Variants in CAB39 observed in about 807,000 individuals in gnomAD.
The protein encoded by CAB39 is calcium-binding protein 39.
CAB39 carries 8 observed loss-of-function variants against 40.0 expected under a neutral mutation model. The observed-to-expected ratio is 0.20, with a 90% CI of 0.12 to 0.36. The LOEUF is 0.36. Ranked by LOEUF, CAB39 falls within the 10% of genes least tolerant of loss-of-function variation. The pLI is 1.00. For synonymous variants in CAB39, 156 were observed against 141.6 expected (o/e 1.10, Z -0.72); for missense variants, 270 against 401.1 (o/e 0.67, Z 2.79).
At chr2:230,766,718 C>T (rs907898059) in intron 2 of CAB39, among the ~76,000 whole-genome samples, 1 of 152,096 alleles carries the variant, frequency 6.6e-6, no homozygotes, top group African/African-American at 2.4e-5. Flanking sequence ...TTGTAGAGAC[C>T]GAGTCTCACA....
intron 1 of CAB39, among the ~76,000 whole-genome samples, chr2:230,749,694 G>C (rs898750124): frequency 6.6e-6 from 1 of 152,138 alleles, no homozygotes; most frequent in Non-Finnish European, 1.5e-5. Context: ...TGAATGTTCA[G>C]TTCTATTTGC....
chr2:230,735,024 CTTGT>C (rs1286342682), intron 1 of CAB39, among the ~76,000 whole-genome samples: 1 of 152,144 alleles, frequency 6.6e-6, no homozygotes, highest in Non-Finnish European at 1.5e-5. Flanking sequence ...ATCTCATCGG[CTTGT>C]TTTTCATTTA....
At chr2:230,782,980 T>TTTTTTGTTTTTG (rs112776434) in intron 2 of CAB39, among the ~76,000 whole-genome samples, 17,539 of 147,840 alleles carry the variant, frequency 0.12, 1,173 homozygotes, top group Middle Eastern at 0.16. Context: ...GCCTGGCTAA[T>TTTTTTGTTTTTG]TTTTTGTTTT....
intron 1 of CAB39, among the ~76,000 whole-genome samples, chr2:230,722,809 A>G (rs569105988): frequency 6.6e-6 from 1 of 152,360 alleles, no homozygotes; most frequent in South Asian, 2.1e-4. Context: ...CTCCAAGTAA[A>G]GCTAGACTCT....
intron 1 of CAB39, among the ~76,000 whole-genome samples, chr2:230,723,311 T>G (rs376200579): frequency 2.6e-5 from 4 of 152,024 alleles, no homozygotes; most frequent in African/African-American, 7.2e-5. Flanking sequence ...TGATTTCCCA[T>G]TATCTTTTTT....
At chr2:230,771,619 T>G (rs1319664719) in intron 2 of CAB39, among the ~76,000 whole-genome samples, 1 of 152,202 alleles carries the variant, frequency 6.6e-6, no homozygotes. Context: ...TGTTCTAAAA[T>G]TTGAATGGAA....
At chr2:230,804,261 A>C (rs1696149034) in intron 5 of CAB39, among the ~76,000 whole-genome samples, 1 of 152,262 alleles carries the variant, frequency 6.6e-6, no homozygotes, top group African/African-American at 2.4e-5. Context: ...AAGATGGATT[A>C]AAGACTTAAA....
At chr2:230,798,630 T>C in intron 4 of CAB39, 99 bp from the exon 5 acceptor site, 1 of 988,346 alleles carries the variant, frequency 1.0e-6, no homozygotes, top group Admixed American at 2.7e-5. Context: ...GATACATGTC[T>C]GAAAACTGTC....
chr2:230,801,274 A>G (rs1478805150), intron 5 of CAB39, among the ~76,000 whole-genome samples: 1 of 151,908 alleles, frequency 6.6e-6, no homozygotes, highest in Non-Finnish European at 1.5e-5. Context: ...TCACCTTCCT[A>G]CTCCTCCCTG....
At chr2:230,793,453 A>G (rs988673705) in intron 4 of CAB39, 122 bp downstream of exon 4, 8 of 465,478 alleles carry the variant, frequency 1.7e-5, no homozygotes, top group Non-Finnish European at 2.7e-5. Context: ...ATTTTTCCAT[A>G]GATTTTGAAC....
chr2:230,728,694 C>T (rs1423757958), intron 1 of CAB39, among the ~76,000 whole-genome samples: 5 of 152,180 alleles, frequency 3.3e-5, no homozygotes, highest in Admixed American at 2.6e-4. Context: ...ACTGTAGCCC[C>T]GAACCCCTAG....
intron 1 of CAB39, among the ~76,000 whole-genome samples, chr2:230,755,506 T>A (rs921660116): frequency 6.6e-6 from 1 of 152,192 alleles, no homozygotes; most frequent in Non-Finnish European, 1.5e-5. Flanking sequence ...TTTTTCTTAC[T>A]GATTTGTTTG....
intron 2 of CAB39, among the ~76,000 whole-genome samples, chr2:230,782,960 T>C (rs2031113967): frequency 6.8e-6 from 1 of 147,156 alleles, no homozygotes; most frequent in Non-Finnish European, 1.5e-5. Flanking sequence ...CTACAGGCGC[T>C]GACCACCACG....
At chr2:230,726,805 CT>C (rs1694580658) in intron 1 of CAB39, among the ~76,000 whole-genome samples, 1 of 151,684 alleles carries the variant, frequency 6.6e-6, no homozygotes, top group Non-Finnish European at 1.5e-5. Context: ...GAGGGCAACC[CT>C]TCCCTACAGA....
chr2:230,714,311 A>C (rs1218157223), intron 1 of CAB39, among the ~76,000 whole-genome samples: 2 of 152,272 alleles, frequency 1.3e-5, no homozygotes, highest in East Asian at 1.9e-4. Flanking sequence ...AGAGAGGAGG[A>C]GGCCCAGTCA....
chr2:230,781,148 G>A (rs1309902607), intron 2 of CAB39, among the ~76,000 whole-genome samples: 1 of 152,152 alleles, frequency 6.6e-6, no homozygotes, highest in Non-Finnish European at 1.5e-5. Context: ...GATTCTGAGT[G>A]TGTTGACAAG....
At chr2:230,813,978 C>CTTTTTTGTTTTTTTTT in intron 6 of CAB39, 71 bp from the exon 7 acceptor site, 1 of 110,458 alleles carries the variant, frequency 9.1e-6, no homozygotes, top group African/African-American at 1.3e-4. Context: ...ACCTACCAGT[C>CTTTTTTGTTTTTTTTT]TTTTTTTTTT....
At chr2:230,731,389 T>G (rs868228878) in intron 1 of CAB39, among the ~76,000 whole-genome samples, 19 of 152,322 alleles carry the variant, frequency 1.2e-4, no homozygotes, top group Admixed American at 6.5e-4. Context: ...AAAATAAAAT[T>G]CCTTTTTCAT....
At chr2:230,818,434 C>A in intron 8 of CAB39, 82 bp from the exon 9 acceptor site, 3 of 1,156,936 alleles carry the variant, frequency 2.6e-6, no homozygotes, top group African/African-American at 1.5e-5. Flanking sequence ...CACAGCTCTG[C>A]TTTTCTGCAC....
Sources: allele counts gnomAD v4.1 joint callset (sites outside exome capture counted in the v4.1 genomes callset), GRCh38; gene constraint gnomAD v4.1.1; transcripts MANE v1.5; gene names NCBI Gene and HGNC (gene_info 2026-07-23, HGNC 2026-07-21).